HHAT: variants seen among roughly 807,000 people sequenced by gnomAD.
The protein encoded by HHAT is protein-cysteine N-palmitoyltransferase HHAT.
In HHAT, 47 loss-of-function variants were observed where a neutral mutation model predicts 70.8. The observed-to-expected ratio is 0.66, with a 90% CI of 0.53 to 0.85. The LOEUF is 0.85. HHAT is among the 40% of genes least tolerant of loss of function. The probability of loss-of-function intolerance (pLI) is 0.00; values close to 1 mark genes in which losing one functional copy is unlikely to be tolerated. For synonymous variants in HHAT, 228 were observed against 247.6 expected, an observed-to-expected ratio of 0.92 and a Z score of 0.74; for missense variants, 609 against 604.8, an observed-to-expected ratio of 1.01 and a Z score of -0.07.
At chr1:210,553,209 T>C (rs991710289) in intron 9 of HHAT, among the ~76,000 whole-genome samples, 1 of 152,180 alleles carries the variant, frequency 6.6e-6, no homozygotes. Flanking sequence ...GCTGGCTTCC[T>C]GGCGCACAGC....
rs2148886188 is a variant in HHAT, at chr1:210,628,980, C to T, written c.1390+5310C>T. 3.3e-5 allele frequency among the ~76,000 whole-genome samples: 5 copies of T among 152,314 alleles called. No individual in the cohort carries two copies. The South Asian group carries it at 1.0e-3, about 32-fold the overall frequency. On this transcript the variant is annotated intron_variant, in intron 11 of 11. Coordinates refer to ENST00000261458, the MANE Select transcript of HHAT (RefSeq NM_018194.6). ...TTTCGCGGTCTTTCCTAGCCCTTCC[C>T]TCTAAGTGGAGTTTTCACTGCTATC...
At chr1:210,500,907 G>A (rs1188208679) in intron 8 of HHAT, among the ~76,000 whole-genome samples, 1 of 152,174 alleles carries the variant, frequency 6.6e-6, no homozygotes, top group African/African-American at 2.4e-5. Flanking sequence ...TATTACCTGG[G>A]AAGTACCTCC....
intron 8 of HHAT, among the ~76,000 whole-genome samples, chr1:210,494,585 CTT>C (rs1295107667): frequency 1.2e-5 from 1 of 81,044 alleles, no homozygotes; most frequent in Non-Finnish European, 2.3e-5. Context: ...AGAGTTTGCT[CTT>C]TTTTCCCAGG....
At chr1:210,619,300 A>G (rs1436768634) in intron 10 of HHAT, among the ~76,000 whole-genome samples, 1 of 151,970 alleles carries the variant, frequency 6.6e-6, no homozygotes, top group Non-Finnish European at 1.5e-5. Context: ...TTTCTTCTGG[A>G]TTTCAGGAGT....
In HHAT at chr1:210,500,600, T is replaced by A. The variant is rs188964262; in HGVS notation, c.1008-12553T>A. On this transcript the variant is annotated intron_variant, in intron 8 of 11. Coordinates refer to ENST00000261458, the MANE Select transcript of HHAT (RefSeq NM_018194.6). ...AGGTGTAAGTCATATATCCTTGTTC[T>A]CTGTTTGGAGATACTCAGTAGTGTG... 1.4e-4 allele frequency among the ~76,000 whole-genome samples: 21 copies of A among 152,314 alleles called. No individual in the cohort carries two copies. The East Asian group carries it at 4.1e-3, about 29-fold the overall frequency.
intron 9 of HHAT, among the ~76,000 whole-genome samples, chr1:210,559,030 C>T (rs2095598006): frequency 6.6e-6 from 1 of 152,118 alleles, no homozygotes; most frequent in African/African-American, 2.4e-5. Context: ...CCCGTTCGGT[C>T]AGTTCATTGT....
chr1:210,536,670 C>G (rs1272496827), intron 9 of HHAT, among the ~76,000 whole-genome samples: 1 of 152,172 alleles, frequency 6.6e-6, no homozygotes, highest in Non-Finnish European at 1.5e-5. Flanking sequence ...GAATAGGGTG[C>G]TAATACAGGT....
intron 5 of HHAT, among the ~76,000 whole-genome samples, chr1:210,401,007 C>A (rs1430284808): frequency 3.3e-5 from 5 of 152,238 alleles, no homozygotes; most frequent in Non-Finnish European, 1.5e-5. Flanking sequence ...CTGGAGAGTG[C>A]CCTACAATTT....
At chr1:210,461,582 G>A (rs994019716) in intron 7 of HHAT, among the ~76,000 whole-genome samples, 10 of 152,148 alleles carry the variant, frequency 6.6e-5, no homozygotes, top group Non-Finnish European at 1.0e-4. Context: ...GACTACAGGC[G>A]TGAGCCACCG....
At chr1:210,362,738 A>T in intron 2 of HHAT, 114 bp from the exon 3 acceptor site, 1 of 789,730 alleles carries the variant, frequency 1.3e-6, no homozygotes, top group Non-Finnish European at 2.2e-6. Flanking sequence ...CCTGCACCTT[A>T]GTCCACTGGC....
chr1:210,456,455 C>T lies in HHAT; in HGVS notation c.857-8050C>T, dbSNP rs549930456. Among the ~76,000 whole-genome samples the T allele has an allele frequency of 1.6e-4, 24 of 152,310 alleles. No individual in the cohort carries two copies. The South Asian group carries it at 4.8e-3, about 30-fold the overall frequency. ...CCTGGGACCACCCCCTTTTTGAGCACCAGAGGGTCAACTACCGGATGTGCA... is the reference window on the plus strand; with the variant it reads ...CCTGGGACCACCCCCTTTTTGAGCATCAGAGGGTCAACTACCGGATGTGCA... On this transcript the variant is annotated intron_variant, in intron 7 of 11. Transcript: ENST00000261458.
At chr1:210,395,905 C>T (rs573681507) in intron 4 of HHAT, among the ~76,000 whole-genome samples, 10 of 152,274 alleles carry the variant, frequency 6.6e-5, no homozygotes, top group Admixed American at 2.6e-4. Context: ...TTATGAAACA[C>T]GTGATATATG....
rs137956609 is a variant in HHAT, at chr1:210,601,148, T to C, written c.1245+13049T>C. Reference sequence around the variant, plus strand: ...TGGTGGTAATTCAATGTATTGGCCATGTTGATTAGTTTGATTTTGAAGATA... The same window carrying C: ...TGGTGGTAATTCAATGTATTGGCCACGTTGATTAGTTTGATTTTGAAGATA... On this transcript the variant is annotated intron_variant, in intron 10 of 11. Transcript: ENST00000261458. Among the ~76,000 whole-genome samples the C allele has an allele frequency of 4.6e-4, 70 of 152,226 alleles. No homozygotes were observed. The East Asian group carries it at 0.013, about 29-fold the overall frequency.
chr1:210,369,570 ACCTGC>A (rs2089351288), intron 3 of HHAT: 1 of 152,222 alleles, frequency 6.6e-6, no homozygotes, highest in Non-Finnish European at 1.5e-5. Flanking sequence ...TTAAATGCAC[ACCTGC>A]TGTGTAAGCA....
rs2085475796 is a variant in HHAT, at chr1:210,336,270, A to ACCACTGTG, written c.-44+7169_-44+7176dup. Among the ~76,000 whole-genome samples, 3 of 114,698 alleles carry ACCACTGTG rather than the reference A, an allele frequency of 2.6e-5. No homozygotes were observed. The South Asian group carries it at 8.4e-4, about 32-fold the overall frequency. The allele number at this position is 114,698 out of a possible 152,430, so 75.2% of individuals were successfully genotyped here. ...TGAGTAGCTGGGACTACAGGCATGC[A>ACCACTGTG]CCACTGTGCCTGGCTAATTTTTTTT... On this transcript the variant is annotated intron_variant, in intron 1 of 11. Coordinates refer to ENST00000261458, the MANE Select transcript of HHAT (RefSeq NM_018194.6).
At chr1:210,671,841 G>T (rs572681568) in intron 11 of HHAT, among the ~76,000 whole-genome samples, 2 of 152,342 alleles carry the variant, frequency 1.3e-5, no homozygotes, top group Admixed American at 1.3e-4. Context: ...TGTGGGGCTG[G>T]TCCTGGAGCC....
rs77316198 is a variant in HHAT, at chr1:210,619,669, C to A, written c.1246-3857C>A. 8.3e-3 allele frequency among the ~76,000 whole-genome samples: 1,262 copies of A among 152,262 alleles called. 35 individuals carry two copies. The highest frequency in any genetic ancestry group is 0.052 in the East Asian group (268 of 5,172). ...TGCGCTTATTATCCCTGGCCCCTGC[C>A]CACCAAATGCCACATTGCCTTGTAG... On this transcript the variant is annotated intron_variant, in intron 10 of 11. Coordinates refer to ENST00000261458, the MANE Select transcript of HHAT (RefSeq NM_018194.6).
intron 10 of HHAT, among the ~76,000 whole-genome samples, chr1:210,613,042 T>A (rs555682728): frequency 1.3e-5 from 2 of 152,350 alleles, no homozygotes; most frequent in East Asian, 3.9e-4. Flanking sequence ...TGATTGCAGA[T>A]CTTTTCTCCC....
intron 3 of HHAT, among the ~76,000 whole-genome samples, chr1:210,374,479 G>A (rs986257579): frequency 2.0e-5 from 3 of 152,170 alleles, no homozygotes; most frequent in Non-Finnish European, 4.4e-5. Flanking sequence ...GTATGCAAAT[G>A]AGATGTTGAG....
Sources: allele counts gnomAD v4.1 joint callset (sites outside exome capture counted in the v4.1 genomes callset), GRCh38; gene constraint gnomAD v4.1.1; transcripts MANE v1.5; gene names NCBI Gene and HGNC (gene_info 2026-07-23, HGNC 2026-07-21).